NXPE4: variants seen among roughly 807,000 people sequenced by gnomAD.
NXPE4 encodes the protein NXPE family member 4.
In NXPE4, 42 loss-of-function variants were observed where a neutral mutation model predicts 33.3. The ratio of observed to expected loss-of-function variants is 1.26; its 90% confidence interval spans 0.98 to 1.63. The LOEUF is 1.63. Ranked by LOEUF, NXPE4 falls within the 40% of genes most tolerant of loss-of-function variation. The pLI is 0.00. For missense variants in NXPE4, 709 were observed against 647.6 expected, an observed-to-expected ratio of 1.09 and a Z score of -1.03; for synonymous variants, 253 against 234.9, an observed-to-expected ratio of 1.08 and a Z score of -0.71.
At chr11:114,577,180 A>ATATAT in intron 5 of NXPE4, among the ~76,000 whole-genome samples, 1 of 147,196 alleles carries the variant, frequency 6.8e-6, no homozygotes, top group African/African-American at 2.5e-5. Flanking sequence ...ATATATATAT[A>ATATAT]AAATGTTATA....
At chr11:114,643,867 T>C in the NXPE4 span, among the ~76,000 whole-genome samples, 1 of 152,218 alleles carries the variant, frequency 6.6e-6, no homozygotes, top group African/African-American at 2.4e-5. Context: ...ATGGCCACTT[T>C]CATGATATTA....
At chr11:114,624,648 G>T in the NXPE4 span, among the ~76,000 whole-genome samples, 110 of 152,146 alleles carry the variant, frequency 7.2e-4, no homozygotes, top group African/African-American at 2.6e-3. Flanking sequence ...AATAAGTATT[G>T]CCTTGTGGGT....
At chr11:114,638,636 G>A in the NXPE4 span, among the ~76,000 whole-genome samples, 1 of 151,972 alleles carries the variant, frequency 6.6e-6, no homozygotes, top group East Asian at 1.9e-4. Flanking sequence ...GTACAGATAG[G>A]TTTTTGGTGT....
chr11:114,623,191 G>A, the NXPE4 span, among the ~76,000 whole-genome samples: 1 of 151,892 alleles, frequency 6.6e-6, no homozygotes, highest in African/African-American at 2.4e-5. Flanking sequence ...TGCCTCTAGG[G>A]TAACCATTGT....
At chr11:114,632,202 A>G in the NXPE4 span, among the ~76,000 whole-genome samples, 2 of 141,460 alleles carry the variant, frequency 1.4e-5, no homozygotes, top group Non-Finnish European at 1.5e-5. Context: ...TCATATATAC[A>G]TATTATATAT....
At chr11:114,657,020 G>A in the NXPE4 span, among the ~76,000 whole-genome samples, 2 of 152,126 alleles carry the variant, frequency 1.3e-5, no homozygotes, top group Non-Finnish European at 2.9e-5. Context: ...CATGAACCTG[G>A]GAGGCAGAGC....
chr11:114,633,289 A>T, the NXPE4 span, among the ~76,000 whole-genome samples: 1 of 137,740 alleles, frequency 7.3e-6, no homozygotes, highest in Admixed American at 7.6e-5. Context: ...TTATATTATA[A>T]AATTCTAATG....
the NXPE4 span, among the ~76,000 whole-genome samples, chr11:114,663,678 T>TATTTATCTATC: frequency 4.1e-5 from 6 of 146,060 alleles, no homozygotes; most frequent in African/African-American, 7.8e-5. Flanking sequence ...ATCTATCTAT[T>TATTTATCTATC]TATCTATCTA....
chr11:114,620,067 G>T, the NXPE4 span, among the ~76,000 whole-genome samples: 36 of 151,998 alleles, frequency 2.4e-4, no homozygotes, highest in African/African-American at 8.7e-4. Context: ...CTGTTACCTG[G>T]TGTATAATAA....
At chr11:114,608,336 TAA>T in the NXPE4 span, among the ~76,000 whole-genome samples, 1 of 151,954 alleles carries the variant, frequency 6.6e-6, no homozygotes, top group South Asian at 2.1e-4. Context: ...TGCTGGATAA[TAA>T]GTGTTGCCAC....
intron 5 of NXPE4, among the ~76,000 whole-genome samples, chr11:114,577,060 T>TAC (rs1211927178): frequency 1.7e-4 from 8 of 48,374 alleles, no homozygotes; most frequent in African/African-American, 6.0e-4. Flanking sequence ...TATATATACA[T>TAC]ATATATATAT....
the NXPE4 span, among the ~76,000 whole-genome samples, chr11:114,671,624 T>G: frequency 6.6e-6 from 1 of 151,898 alleles, no homozygotes. Flanking sequence ...CAGAAGGCAG[T>G]AGGATGACAT....
the NXPE4 span, among the ~76,000 whole-genome samples, chr11:114,662,588 C>T: frequency 6.6e-6 from 1 of 152,156 alleles, no homozygotes; most frequent in African/African-American, 2.4e-5. Flanking sequence ...GTGCTGGCAT[C>T]ACCCCTCCCC....
Position 114,582,977 on chromosome 11 carries a change from G to A in NXPE4, c.141C>T (p.Asn47=), listed in dbSNP as rs566166344. ...LNLSISLHYW[N]NSTKSLFPKT... is the part of the protein sequence containing the mutation. ...TAGGGAATAAGGACTTTGTGGAGTT[G>A]TTCCAGTAATGGAGGGAGATGGATA... Residue 47 remains asparagine (N), a synonymous_variant, in exon 3 of 6, where the codon AAC becomes AAT. Coordinates refer to ENST00000375478, the MANE Select transcript of NXPE4 (RefSeq NM_001077639.2). 2.5e-6 allele frequency: 4 copies of A among 1,613,924 alleles called. No homozygotes were observed. The highest frequency in any genetic ancestry group is 4.5e-5 in the East Asian group (2 of 44,878).
chr11:114,589,967 C>G (rs1049568248), intron 2 of NXPE4, among the ~76,000 whole-genome samples: 1 of 152,218 alleles, frequency 6.6e-6, no homozygotes, highest in African/African-American at 2.4e-5. Flanking sequence ...AAATGGTTTA[C>G]AGTCTTAGAT....
chr11:114,614,127 C>A, the NXPE4 span, among the ~76,000 whole-genome samples: 1 of 151,678 alleles, frequency 6.6e-6, no homozygotes. Context: ...ACCAGTGTTA[C>A]CTGCTGGATA....
the NXPE4 span, among the ~76,000 whole-genome samples, chr11:114,610,553 G>A: frequency 9.8e-5 from 10 of 102,488 alleles, no homozygotes; most frequent in South Asian, 3.4e-4. Context: ...GTGTTGCCTC[G>A]TGGTTAACCA....
chr11:114,659,313 T>G, the NXPE4 span, among the ~76,000 whole-genome samples: 1 of 152,148 alleles, frequency 6.6e-6, no homozygotes. Context: ...GTTGGTATTA[T>G]CAGACAGAAA....
At chr11:114,575,552 C>G (rs1199243508) in intron 5 of NXPE4, among the ~76,000 whole-genome samples, 1 of 151,778 alleles carries the variant, frequency 6.6e-6, no homozygotes, top group Admixed American at 6.6e-5. Flanking sequence ...CAACAGCAAC[C>G]AAGCCGAGAA....
Sources: gnomAD v4.1 joint callset for allele counts (sites outside exome capture counted in the v4.1 genomes callset) on GRCh38, gnomAD v4.1.1 for gene constraint, MANE v1.5 for transcripts, NCBI Gene and HGNC (gene_info 2026-07-23, HGNC 2026-07-21) for gene names.